Variants in PRICKLE1 observed in about 807,000 individuals in gnomAD.
PRICKLE1 encodes prickle-like protein 1.
PRICKLE1 carries 14 observed loss-of-function variants against 70.2 expected under a neutral mutation model. The ratio of observed to expected loss-of-function variants is 0.20; its 90% CI spans 0.13 to 0.31. PRICKLE1 has a LOEUF of 0.31. Among genes scored for constraint, PRICKLE1 ranks in the 10% least tolerant of loss-of-function variants. The probability of loss-of-function intolerance (pLI) is 1.00; values close to 1 mark genes in which losing one functional copy is unlikely to be tolerated. For missense variants in PRICKLE1, 821 were observed against 1,026.2 expected (o/e 0.80, Z 2.73); for synonymous variants, 357 against 379.9 (o/e 0.94, Z 0.70).
intron 1 of PRICKLE1, among the ~76,000 whole-genome samples, chr12:42,496,369 A>C (rs1246327492): frequency 1.3e-5 from 2 of 152,254 alleles, no homozygotes; most frequent in African/African-American, 4.8e-5. Flanking sequence ...GTTCCATTTA[A>C]GACCACAGAC....
At chr12:42,527,409 AG>A (rs1224678192) in intron 1 of PRICKLE1, among the ~76,000 whole-genome samples, 2 of 152,196 alleles carry the variant, frequency 1.3e-5, no homozygotes, top group African/African-American at 4.8e-5. Flanking sequence ...CTGGGATTAC[AG>A]GCATGAGCTA....
intron 1 of PRICKLE1, among the ~76,000 whole-genome samples, chr12:42,511,884 G>T (rs1195683765): frequency 6.6e-6 from 1 of 152,132 alleles, no homozygotes; most frequent in Non-Finnish European, 1.5e-5. Flanking sequence ...AAAAAACAAG[G>T]AAACAGTCTC....
At chr12:42,483,065 C>A (rs1331605642) in intron 1 of PRICKLE1, 1 of 152,710 alleles carries the variant, frequency 6.5e-6, no homozygotes, top group Non-Finnish European at 1.5e-5. Flanking sequence ...GCGAGCGAAC[C>A]CCTCCTCGGC....
intron 1 of PRICKLE1, among the ~76,000 whole-genome samples, chr12:42,510,378 G>A: frequency 6.6e-6 from 1 of 152,150 alleles, no homozygotes; most frequent in African/African-American, 2.4e-5. Flanking sequence ...ACAGGTGTGA[G>A]CCACTGTGCT....
chr12:42,522,236 A>AG (rs1200966370), intron 1 of PRICKLE1, among the ~76,000 whole-genome samples: 21 of 152,038 alleles, frequency 1.4e-4, no homozygotes, highest in African/African-American at 5.1e-4. Context: ...TCAGCCTCCC[A>AG]AAGTGCTGGT....
intron 1 of PRICKLE1, among the ~76,000 whole-genome samples, chr12:42,564,057 G>A (rs1485277304): frequency 1.3e-5 from 2 of 151,828 alleles, no homozygotes; most frequent in African/African-American, 2.4e-5. Context: ...AAGAGATTGA[G>A]AACATCCTGG....
intron 1 of PRICKLE1, among the ~76,000 whole-genome samples, chr12:42,517,512 C>G (rs1453528820): frequency 6.6e-6 from 1 of 151,904 alleles, no homozygotes; most frequent in Non-Finnish European, 1.5e-5. Context: ...TGGGGTTTCA[C>G]CGTGTTAGCC....
intron 1 of PRICKLE1, among the ~76,000 whole-genome samples, chr12:42,517,306 A>ATTTT (rs71794718): frequency 0.049 from 4,350 of 88,854 alleles, 619 homozygotes; most frequent in Non-Finnish European, 0.056. Context: ...TCAGTCTGCC[A>ATTTT]TTTTTTTTTT....
At chr12:42,574,265 T>C (rs1432043221) in intron 1 of PRICKLE1, among the ~76,000 whole-genome samples, 1 of 152,250 alleles carries the variant, frequency 6.6e-6, no homozygotes, top group Non-Finnish European at 1.5e-5. Flanking sequence ...AGCTGCCTTA[T>C]GACAAACTCC....
intron 1 of PRICKLE1, among the ~76,000 whole-genome samples, chr12:42,496,429 C>T (rs749997931): frequency 9.9e-5 from 15 of 152,154 alleles, no homozygotes; most frequent in Non-Finnish European, 1.8e-4. Context: ...TTTGAATGGT[C>T]AGTGAGCAAT....
chr12:42,502,172 C>T (rs932351230), intron 1 of PRICKLE1, among the ~76,000 whole-genome samples: 2 of 151,098 alleles, frequency 1.3e-5, no homozygotes, highest in Non-Finnish European at 1.5e-5. Flanking sequence ...TATATATATA[C>T]ACACACACAC....
At chr12:42,509,442 A>G (rs1939473762) in intron 1 of PRICKLE1, among the ~76,000 whole-genome samples, 1 of 152,200 alleles carries the variant, frequency 6.6e-6, no homozygotes, top group Non-Finnish European at 1.5e-5. Context: ...TTCCATATCA[A>G]AAAGGATGCT....
In PRICKLE1 at chr12:42,589,269, G is replaced by C. The variant is rs1941037238; in HGVS notation, c.-49+196C>G. On this transcript the variant is annotated intron_variant, in intron 1 of 7. Coordinates refer to ENST00000345127, the MANE Select transcript of PRICKLE1 (RefSeq NM_153026.3). The surrounding 1 kb of genome is among the most constrained non-coding windows in gnomAD (Gnocchi z 5.0). ...CCTGGCGATGCTGCAGCCAATATCTGCTTTCCCTGTCTACACAGCCCAACA... is the reference window on the plus strand; with the variant it reads ...CCTGGCGATGCTGCAGCCAATATCTCCTTTCCCTGTCTACACAGCCCAACA... 1 of 152,284 alleles carries C rather than the reference G, an allele frequency of 6.6e-6. No individual in the cohort carries two copies. Among genetic ancestry groups the C allele is most frequent in the South Asian group, 2.1e-4 (1 of 4,836 alleles). 9.4% of individuals were successfully genotyped at this position (152,284 alleles called of 1,614,324 possible). A position where few individuals can be genotyped will look rare whatever the true frequency, so the allele number is the denominator to read the frequency against.
At position 42,459,218 on chromosome 12, in the gene PRICKLE1, G is replaced by A; in HGVS notation, c.*591C>T. 1 of 695,396 alleles carries A rather than the reference G, an allele frequency of 1.4e-6. No homozygotes were observed. Among genetic ancestry groups the A allele is most frequent in the Non-Finnish European group, 2.6e-6 (1 of 382,422 alleles). 43.1% of individuals were successfully genotyped at this position (695,396 alleles called of 1,614,324 possible). On this transcript the variant is annotated 3_prime_UTR_variant, in exon 8 of 8. Transcript: ENST00000345127. ...ACCGTTAAATTAGGAATACACTTAA[G>A]TCTATGAAATACTAAGTTATAAATA...
intron 1 of PRICKLE1, among the ~76,000 whole-genome samples, chr12:42,480,697 C>CAA (rs1938761672): frequency 6.6e-6 from 1 of 152,150 alleles, no homozygotes; most frequent in African/African-American, 2.4e-5. Flanking sequence ...CTGTAAAGAG[C>CAA]TTAATAAGTC....
intron 1 of PRICKLE1, chr12:42,482,761 G>A (rs944889372): frequency 8.5e-5 from 13 of 152,416 alleles, no homozygotes; most frequent in African/African-American, 1.7e-4. Flanking sequence ...TGGAGGAAGC[G>A]AGAAGGAAAG....
At chr12:42,470,205 T>G (rs748456500) in intron 3 of PRICKLE1, 41 bp downstream of exon 3, 1 of 1,391,920 alleles carries the variant, frequency 7.2e-7, no homozygotes, top group Non-Finnish European at 1.0e-6. Context: ...TCATGCATTT[T>G]TTCTTCTTTT....
intron 1 of PRICKLE1, among the ~76,000 whole-genome samples, chr12:42,511,675 C>G (rs1291545905): frequency 6.6e-6 from 1 of 152,020 alleles, no homozygotes; most frequent in African/African-American, 2.4e-5. Context: ...TTTTCCTAGC[C>G]CTTGCTTGGA....
rs75377998 is a variant in PRICKLE1, at chr12:42,589,333, G to T, written c.-49+132C>A. 2.0e-5 allele frequency: 3 copies of T among 152,266 alleles called. No homozygotes were observed. The highest frequency in any genetic ancestry group is 7.2e-5 in the African/African-American group (3 of 41,458). The allele number at this position is 152,266 out of a possible 1,614,324, so 9.4% of individuals were successfully genotyped here. ...CTTCTCCCTGATCTTCTGCGACACC[G>T]ACCCAGTCTGGGTGTCACAGACTCC... On this transcript the variant is annotated intron_variant, in intron 1 of 7. Coordinates refer to ENST00000345127, the MANE Select transcript of PRICKLE1 (RefSeq NM_153026.3). This position sits in a 1 kb window ranked among gnomAD's most constrained non-coding sequence, Gnocchi z 5.0.
Sources: allele counts gnomAD v4.1 joint callset (sites outside exome capture counted in the v4.1 genomes callset), GRCh38; gene constraint gnomAD v4.1.1; non-coding constraint Gnocchi (gnomAD v3.1); transcripts MANE v1.5; gene names NCBI Gene and HGNC (gene_info 2026-07-23, HGNC 2026-07-21).